Variants in ATP12A observed in about 807,000 individuals in gnomAD.
The protein encoded by ATP12A is potassium-transporting ATPase alpha chain 2.
A neutral mutation model predicts 111.2 loss-of-function variants in ATP12A; 81 were observed. That is an observed-to-expected ratio of 0.73 (90% CI 0.61 to 0.88). ATP12A has a LOEUF of 0.88. ATP12A is among the 40% of genes least tolerant of loss of function. The pLI is 0.00. For synonymous variants in ATP12A, 498 were observed against 499.8 expected (o/e 1.00, Z 0.05); for missense variants, 1,196 against 1,313.1 (o/e 0.91, Z 1.38).
intron 11 of ATP12A, among the ~76,000 whole-genome samples, chr13:24,698,030 G>A (rs1169915509): frequency 6.6e-6 from 1 of 152,082 alleles, no homozygotes; most frequent in African/African-American, 2.4e-5. Flanking sequence ...TTTTATTCTT[G>A]TATATCGATT....
rs374784850 is a variant in ATP12A, at chr13:24,710,549, C to T, written c.2853C>T (p.Ile951=). The stretch of plus-strand genomic sequence containing the variant: ...TCCAGCAAATAGCAGATCTGATCAT[C>T]AGGAAAACCCGGAGGAATTCCATCT... ...ILVQQIADLI[I]RKTRRNSIFQ... is the part of the protein sequence containing the mutation. The change falls in exon 20 of 23, where the codon ATC becomes ATT. Residue 951 remains isoleucine, a synonymous_variant. Coordinates refer to ENST00000381946, the MANE Select transcript of ATP12A (RefSeq NM_001676.7). 5.6e-6 allele frequency: 9 copies of T among 1,614,264 alleles called. No homozygotes were observed. Among genetic ancestry groups the T allele is most frequent in the Non-Finnish European group, 7.6e-6 (9 of 1,180,050 alleles).
chr13:24,700,929 G>C lies in ATP12A; in HGVS notation c.1881+7G>C, dbSNP rs762399781. On this transcript the variant is annotated splice_region_variant and intron_variant, in intron 13 of 22. Transcript: ENST00000381946. ...CCGGAGTGCAGGGATCAAGGTGGGA[G>C]TTATTTTCCTGACTCAAGAAGTTCT... 1 of 1,611,408 alleles carries C rather than the reference G, an allele frequency of 6.2e-7. No individual in the cohort carries two copies. Among genetic ancestry groups the C allele is most frequent in the East Asian group, 2.2e-5 (1 of 44,820 alleles).
At chr13:24,682,119 G>T (rs1416583792) in intron 2 of ATP12A, among the ~76,000 whole-genome samples, 20 of 90,348 alleles carry the variant, frequency 2.2e-4, no homozygotes, top group Non-Finnish European at 2.8e-4. Flanking sequence ...TGTGTGTGTG[G>T]TGTGTGTGTG....
At chr13:24,689,466 GT>G in intron 5 of ATP12A, 91 bp downstream of exon 5, 1 of 1,097,084 alleles carries the variant, frequency 9.1e-7, no homozygotes, top group Non-Finnish European at 1.4e-6. Flanking sequence ...AGGGCTACGG[GT>G]TTCCACTTCC....
chr13:24,695,971 A>G (rs983407969), intron 11 of ATP12A, among the ~76,000 whole-genome samples: 1 of 152,176 alleles, frequency 6.6e-6, no homozygotes, highest in African/African-American at 2.4e-5. Context: ...AGAGAATCAC[A>G]GTTAGCTAAA....
chr13:24,698,790 A>C lies in ATP12A; in HGVS notation c.1645A>C (p.Thr549Pro). ...NGEEHPLDKS[T>P]AKTFHTAYME... is the part of the protein sequence containing the mutation. ...CGAGGAGCACCCACTGGACAAGAGC[A>C]CTGCCAAGACCTTCCACACAGCCTA... Residue 549 changes from threonine to proline, a missense_variant, in exon 12 of 23, where the codon ACT becomes CCT. Physicochemically the swap from Thr to Pro is conservative, Grantham distance 38 (BLOSUM62 -1). Transcript: ENST00000381946. 1.2e-6 allele frequency: 2 copies of C among 1,614,094 alleles called. No individual in the cohort carries two copies. Among genetic ancestry groups the C allele is most frequent in the Non-Finnish European group, 1.7e-6 (2 of 1,180,024 alleles).
intron 12 of ATP12A, 73 bp from the exon 13 acceptor site, chr13:24,700,674 A>G: frequency 1.4e-6 from 2 of 1,435,960 alleles, no homozygotes; most frequent in Non-Finnish European, 1.9e-6. Context: ...AAGGTGTATG[A>G]GCATGTTCTC....
At chr13:24,692,120 G>A (rs1158711487) in intron 8 of ATP12A, among the ~76,000 whole-genome samples, 1 of 152,176 alleles carries the variant, frequency 6.6e-6, no homozygotes, top group East Asian at 1.9e-4. Flanking sequence ...CGTCGTGATT[G>A]TACGTGAACA....
At chr13:24,700,675 G>A in intron 12 of ATP12A, 72 bp from the exon 13 acceptor site, 1 of 1,437,930 alleles carries the variant, frequency 7.0e-7, no homozygotes, top group Non-Finnish European at 9.6e-7. Flanking sequence ...AGGTGTATGA[G>A]CATGTTCTCC....
intron 14 of ATP12A, among the ~76,000 whole-genome samples, chr13:24,706,034 C>G (rs967687821): frequency 2.6e-5 from 4 of 152,176 alleles, no homozygotes; most frequent in African/African-American, 9.7e-5. Flanking sequence ...CTAGGAAGTA[C>G]CACTCTCACC....
chr13:24,698,613 G>T, intron 11 of ATP12A, 45 bp from the exon 12 acceptor site: 1 of 1,583,348 alleles, frequency 6.3e-7, no homozygotes. Flanking sequence ...GAAGGAATGC[G>T]TTTCACCTTT....
At chr13:24,682,138 A>ATATGTGTGTGGTGTGTGTGTGGTGTGTG (rs1874488802) in intron 2 of ATP12A, among the ~76,000 whole-genome samples, 1 of 34,112 alleles carries the variant, frequency 2.9e-5, no homozygotes, top group African/African-American at 1.1e-4. Flanking sequence ...TGTGGTGTGT[A>ATATGTGTGTGGTGTGTGTGTGGTGTGTG]TATGTGTGTG....
chr13:24,691,042 C>G lies in ATP12A; in HGVS notation c.860C>G (p.Ser287Ter). Residue 287 changes from serine to a stop codon, truncating the protein, a stop_gained, in exon 8 of 23, where the codon TCA (serine) becomes TGA (stop). Coordinates refer to ENST00000381946, the MANE Select transcript of ATP12A (RefSeq NM_001676.7). LOFTEE classifies it high-confidence loss of function. Reference protein sequence around the residue: ...GDRTIIGHIASLASGVGNEKT... With the variant: ...GDRTIIGHIA ...CGCACCATCATTGGCCATATTGCCT[C>G]ATTGGCCTCAGGAGTTGGAAATGAG... 1.2e-6 allele frequency: 2 copies of G among 1,614,240 alleles called. No homozygotes were observed. Among genetic ancestry groups the G allele is most frequent in the South Asian group, 2.2e-5 (2 of 91,082 alleles).
At chr13:24,690,756 C>T (rs557641886) in intron 7 of ATP12A, 35 bp downstream of exon 7, 2 of 1,575,692 alleles carry the variant, frequency 1.3e-6, no homozygotes, top group South Asian at 2.3e-5. Flanking sequence ...CACATGTCCA[C>T]CTGTGTCCTT....
intron 11 of ATP12A, among the ~76,000 whole-genome samples, chr13:24,697,098 A>G (rs1366885215): frequency 1.3e-5 from 2 of 152,248 alleles, no homozygotes; most frequent in African/African-American, 4.8e-5. Context: ...GGAGCCTGCT[A>G]GCCTGGGCTC....
intron 2 of ATP12A, among the ~76,000 whole-genome samples, chr13:24,684,598 A>C (rs566527410): frequency 6.6e-6 from 1 of 152,234 alleles, no homozygotes; most frequent in Non-Finnish European, 1.5e-5. Context: ...TCCCAGGGGA[A>C]AAATGGAAAC....
At chr13:24,707,985 C>CAA (rs67478305) in intron 17 of ATP12A, among the ~76,000 whole-genome samples, 7 of 143,396 alleles carry the variant, frequency 4.9e-5, no homozygotes, top group African/African-American at 1.8e-4. Flanking sequence ...TCTTCATCCT[C>CAA]AAAAAAAAAA....
chr13:24,694,537 A>T lies in ATP12A; in HGVS notation c.1471A>T (p.Lys491Ter). 6.2e-7 allele frequency: 1 copy of T among 1,613,844 alleles called. No individual in the cohort carries two copies. The highest frequency in any genetic ancestry group is 8.5e-7 in the Non-Finnish European group (1 of 1,180,034). Reference protein sequence around the residue: ...DVMEIRKRNRKVAEIPFNSTN... With the variant: ...DVMEIRKRNR Reference sequence around the variant, plus strand: ...GATGGAAATTAGAAAAAGAAACCGCAAAGTAGCTGAAATCCCTTTTAACTC... The same window carrying T: ...GATGGAAATTAGAAAAAGAAACCGCTAAGTAGCTGAAATCCCTTTTAACTC... Residue 491 changes from lysine to a stop codon, truncating the protein, a stop_gained, in exon 11 of 23, where the codon AAA becomes TAA. Transcript: ENST00000381946. LOFTEE classifies it high-confidence loss of function.
intron 17 of ATP12A, among the ~76,000 whole-genome samples, chr13:24,708,790 C>T (rs937318750): frequency 1.4e-5 from 2 of 147,544 alleles, no homozygotes; most frequent in South Asian, 2.2e-4. Context: ...GGTTGTACAC[C>T]CATTGTCTTT....
Sources: gnomAD v4.1 joint callset for allele counts (sites outside exome capture counted in the v4.1 genomes callset) on GRCh38, gnomAD v4.1.1 for gene constraint, MANE v1.5 for transcripts, NCBI Gene and HGNC (gene_info 2026-07-23, HGNC 2026-07-21) for gene names.